Variants in JPH1 observed in about 807,000 individuals in gnomAD.
The protein encoded by JPH1 is junctophilin-1.
A neutral mutation model predicts 53.6 loss-of-function variants in JPH1; 12 were observed. The observed-to-expected ratio is 0.22, with a 90% CI of 0.14 to 0.36. The LOEUF is 0.36. Ranked by LOEUF, JPH1 falls within the 10% of genes least tolerant of loss-of-function variation. JPH1 has a pLI of 1.00. For synonymous variants in JPH1, 375 were observed against 363.8 expected (o/e 1.03, Z -0.35); for missense variants, 808 against 905.5 (o/e 0.89, Z 1.38).
At chr8:74,296,310 C>T (rs1013064423) in intron 2 of JPH1, among the ~76,000 whole-genome samples, 3 of 152,134 alleles carry the variant, frequency 2.0e-5, no homozygotes, top group Non-Finnish European at 2.9e-5. Flanking sequence ...ATAATTATCG[C>T]TTTCTTTCCC....
chr8:74,242,248 G>C (rs1054438269), intron 4 of JPH1, among the ~76,000 whole-genome samples: 1 of 152,184 alleles, frequency 6.6e-6, no homozygotes, highest in African/African-American at 2.4e-5. Context: ...AACTGCTTAT[G>C]CTTCAGTTAG....
intron 2 of JPH1, among the ~76,000 whole-genome samples, chr8:74,283,616 C>T (rs1006541540): frequency 6.6e-6 from 1 of 152,200 alleles, no homozygotes; most frequent in African/African-American, 2.4e-5. Context: ...GCTTTGGCTC[C>T]ACACACTCAT....
chr8:74,244,095 C>G (rs1256075263), intron 4 of JPH1, among the ~76,000 whole-genome samples: 1 of 152,150 alleles, frequency 6.6e-6, no homozygotes, highest in African/African-American at 2.4e-5. Context: ...AGATGCTGAC[C>G]GCTGTGGTGA....
intron 1 of JPH1, among the ~76,000 whole-genome samples, chr8:74,316,563 C>T (rs918013338): frequency 5.3e-5 from 8 of 152,190 alleles, no homozygotes; most frequent in African/African-American, 1.9e-4. Flanking sequence ...AAAGTATACC[C>T]TTTACTCTTG....
At chr8:74,252,971 T>C (rs1014627937) in intron 3 of JPH1, among the ~76,000 whole-genome samples, 45 of 152,112 alleles carry the variant, frequency 3.0e-4, no homozygotes, top group African/African-American at 1.0e-3. Context: ...CTGTCAACAT[T>C]AGACAGATCA....
At chr8:74,288,604 A>C (rs73343336) in intron 2 of JPH1, among the ~76,000 whole-genome samples, 12 of 152,158 alleles carry the variant, frequency 7.9e-5, no homozygotes, top group Non-Finnish European at 1.6e-4. Context: ...GAAGGAAAGG[A>C]TAGTTAAGGA....
At chr8:74,309,743 A>T (rs1372695267) in intron 2 of JPH1, among the ~76,000 whole-genome samples, 4 of 152,218 alleles carry the variant, frequency 2.6e-5, no homozygotes, top group Non-Finnish European at 4.4e-5. Context: ...AAGCTAAGGG[A>T]ATGAAAACTG....
intron 2 of JPH1, among the ~76,000 whole-genome samples, chr8:74,274,832 G>T (rs1806802557): frequency 1.3e-5 from 2 of 152,090 alleles, no homozygotes; most frequent in African/African-American, 4.8e-5. Context: ...TTTGCCTAAA[G>T]ACCTAACACA....
chr8:74,284,824 T>G (rs1490448015), intron 2 of JPH1, among the ~76,000 whole-genome samples: 7 of 146,576 alleles, frequency 4.8e-5, no homozygotes, highest in African/African-American at 1.9e-4. Context: ...ATTTCTTCTT[T>G]CTTTCTTTTT....
chr8:74,263,002 T>C (rs529795989), intron 2 of JPH1, among the ~76,000 whole-genome samples: 98 of 152,360 alleles, frequency 6.4e-4, no homozygotes, highest in Middle Eastern at 3.4e-3. Flanking sequence ...TTTTATGAGC[T>C]CTCTAGTTGG....
intron 2 of JPH1, among the ~76,000 whole-genome samples, chr8:74,310,739 A>AT (rs1807970423): frequency 6.6e-6 from 1 of 152,228 alleles, no homozygotes; most frequent in Non-Finnish European, 1.5e-5. Flanking sequence ...TCCTGGAGAC[A>AT]TTATTGGAGA....
intron 2 of JPH1, among the ~76,000 whole-genome samples, chr8:74,286,773 C>G (rs555543174): frequency 6.6e-6 from 1 of 152,274 alleles, no homozygotes; most frequent in South Asian, 2.1e-4. Context: ...AAAATTTTTA[C>G]TTGGTACAGT....
rs1367465420 is a variant in JPH1 at position 74,315,062 on chromosome 8, C to T, written c.938G>A (p.Arg313Lys). The T allele has an allele frequency of 1.2e-6, 2 of 1,614,086 alleles. No homozygotes were observed. The highest frequency in any genetic ancestry group is 1.3e-5 in the African/African-American group (1 of 74,932). Residue 313 changes from arginine (R) to lysine (K), a missense_variant, in exon 2 of 6, where the codon AGG becomes AAG. Around this residue, in one of 2 missense-constraint regions of JPH1, gnomAD observed 756 missense variants for 811.9 expected, o/e 0.93. Coordinates refer to ENST00000342232, the MANE Select transcript of JPH1 (RefSeq NM_020647.4). This position sits in a 1 kb window ranked among gnomAD's most constrained non-coding sequence, Gnocchi z 6.3. ...KYEGEWANNK[R>K]HGYGCTVFPD... ...AAACACGGTACAGCCATATCCATGC[C>T]TCTTGTTATTTGCCCACTCCCCTTC...
chr8:74,321,426 T>A lies in JPH1; in HGVS notation c.-139A>T. ...TGGGCAGCTCGCGCTGCCGCTCGGC[T>A]CCAGTCCGACGCCGCCCCCGTCCTC... is the stretch of plus-strand genomic sequence containing the variant. On this transcript the variant is annotated 5_prime_UTR_variant, in exon 1 of 6. Transcript: ENST00000342232. The surrounding 1 kb of genome is among the most constrained non-coding windows in gnomAD (Gnocchi z 4.3). 4 of 804,104 alleles carry A rather than the reference T, an allele frequency of 5.0e-6. No individual in the cohort carries two copies. The highest frequency in any genetic ancestry group is 7.0e-6 in the Non-Finnish European group (4 of 570,248). 49.8% of individuals were successfully genotyped at this position (804,104 alleles called of 1,614,324 possible).
At chr8:74,307,444 C>T (rs6982727) in intron 2 of JPH1, among the ~76,000 whole-genome samples, 9,500 of 152,216 alleles carry the variant, frequency 0.062, 1,005 homozygotes, top group African/African-American at 0.22. Context: ...GGAATTTGCC[C>T]TAGAAGCACT....
At chr8:74,308,604 G>A (rs191760660) in intron 2 of JPH1, among the ~76,000 whole-genome samples, 1 of 152,332 alleles carries the variant, frequency 6.6e-6, no homozygotes, top group East Asian at 1.9e-4. Flanking sequence ...ACAAAAGTGA[G>A]CAAAGCTGAC....
At chr8:74,280,943 T>C (rs532948922) in intron 2 of JPH1, among the ~76,000 whole-genome samples, 1 of 152,344 alleles carries the variant, frequency 6.6e-6, no homozygotes, top group East Asian at 1.9e-4. Context: ...TAAGGAAATA[T>C]GCTCCAGCAG....
chr8:74,262,141 C>G (rs1806412980), intron 2 of JPH1, among the ~76,000 whole-genome samples: 1 of 152,144 alleles, frequency 6.6e-6, no homozygotes, highest in African/African-American at 2.4e-5. Context: ...TGAGTCAAGA[C>G]CACATTCAAA....
chr8:74,245,649 C>A (rs1327210602), intron 3 of JPH1, among the ~76,000 whole-genome samples: 1 of 152,108 alleles, frequency 6.6e-6, no homozygotes, highest in African/African-American at 2.4e-5. Flanking sequence ...TAGTTTGAAA[C>A]AATTTCTGAG....
Sources: allele counts gnomAD v4.1 joint callset (sites outside exome capture counted in the v4.1 genomes callset), GRCh38; gene constraint gnomAD v4.1.1; regional missense constraint gnomAD v4.1.1; non-coding constraint Gnocchi (gnomAD v3.1); transcripts MANE v1.5; gene names NCBI Gene and HGNC (gene_info 2026-07-23, HGNC 2026-07-21).